The following COL8A1 variants were observed in gnomAD, a reference collection of about 807,000 sequenced individuals.
The protein encoded by COL8A1 is collagen alpha-1(VIII) chain.
Under a neutral mutation model 42.7 loss-of-function variants are expected in COL8A1, and 21 were observed. The observed-to-expected ratio is 0.49, with a 90% CI of 0.35 to 0.71. The LOEUF (loss-of-function observed/expected upper bound fraction) is 0.71, where lower values mean the gene tolerates loss of function less well. COL8A1 is among the 30% of genes least tolerant of loss of function. The probability of loss-of-function intolerance (pLI) is 0.01; values close to 1 mark genes in which losing one functional copy is unlikely to be tolerated. For missense variants in COL8A1, 788 were observed against 962.4 expected, an observed-to-expected ratio of 0.82 and a Z score of 2.40; for synonymous variants, 367 against 369.1, an observed-to-expected ratio of 0.99 and a Z score of 0.06.
chr3:99,656,271 C>A (rs1204598893), intron 1 of COL8A1, among the ~76,000 whole-genome samples: 1 of 152,098 alleles, frequency 6.6e-6, no homozygotes, highest in South Asian at 2.1e-4. Flanking sequence ...TGCATAAATG[C>A]ATATAAATTA....
chr3:99,706,897 G>A (rs1939693962), intron 1 of COL8A1, among the ~76,000 whole-genome samples: 1 of 152,140 alleles, frequency 6.6e-6, no homozygotes, highest in Non-Finnish European at 1.5e-5. Context: ...TGTAAGTAAA[G>A]GAGCTACACC....
intron 3 of COL8A1, among the ~76,000 whole-genome samples, chr3:99,793,781 T>G (rs1399606587): frequency 1.3e-5 from 2 of 152,218 alleles, no homozygotes; most frequent in Non-Finnish European, 2.9e-5. Context: ...AGATGGAGTT[T>G]CGCTCTTTCA....
chr3:99,715,081 A>C (rs1234793716), intron 1 of COL8A1, among the ~76,000 whole-genome samples: 1 of 152,100 alleles, frequency 6.6e-6, no homozygotes, highest in East Asian at 1.9e-4. Flanking sequence ...GGAGATTCAC[A>C]TAGGACGTCT....
chr3:99,693,533 C>T (rs1185950172), intron 1 of COL8A1, among the ~76,000 whole-genome samples: 1 of 151,470 alleles, frequency 6.6e-6, no homozygotes, highest in African/African-American at 2.4e-5. Context: ...GTGTTTTTAA[C>T]AAAAGAAAAG....
intron 1 of COL8A1, among the ~76,000 whole-genome samples, chr3:99,665,969 G>A (rs1938358229): frequency 6.6e-6 from 1 of 152,000 alleles, no homozygotes; most frequent in South Asian, 2.1e-4. Context: ...GGGATTACAG[G>A]TGTGAGCCAC....
intron 2 of COL8A1, among the ~76,000 whole-genome samples, chr3:99,777,398 A>G (rs547419796): frequency 3.3e-5 from 5 of 152,332 alleles, no homozygotes; most frequent in Admixed American, 3.3e-4. Flanking sequence ...ATGGATGAAT[A>G]AAATATAAAA....
intron 1 of COL8A1, among the ~76,000 whole-genome samples, chr3:99,722,801 C>T (rs1396547145): frequency 3.3e-5 from 5 of 152,022 alleles, no homozygotes; most frequent in African/African-American, 1.2e-4. Context: ...TCCACCCATT[C>T]CAAGGAAGCA....
At chr3:99,762,705 A>C (rs1431795566) in intron 2 of COL8A1, among the ~76,000 whole-genome samples, 1 of 152,210 alleles carries the variant, frequency 6.6e-6, no homozygotes, top group African/African-American at 2.4e-5. Flanking sequence ...GTCAAGAGGC[A>C]GGACCCTGAA....
chr3:99,731,124 A>C (rs1940494144), intron 1 of COL8A1, among the ~76,000 whole-genome samples: 2 of 152,146 alleles, frequency 1.3e-5, no homozygotes, highest in Non-Finnish European at 2.9e-5. Context: ...TGGGGAGAGA[A>C]GAACGATAGG....
chr3:99,758,300 G>A (rs974227106), intron 2 of COL8A1, among the ~76,000 whole-genome samples: 1 of 151,992 alleles, frequency 6.6e-6, no homozygotes, highest in Admixed American at 6.6e-5. Context: ...ACACTTGAAA[G>A]GGAAACTCTC....
chr3:99,699,737 A>C (rs1939479991), intron 1 of COL8A1, among the ~76,000 whole-genome samples: 1 of 152,188 alleles, frequency 6.6e-6, no homozygotes, highest in Non-Finnish European at 1.5e-5. Context: ...AAATTTTAAG[A>C]ATCAAGTAAA....
intron 1 of COL8A1, among the ~76,000 whole-genome samples, chr3:99,642,752 A>C (rs1937530083): frequency 6.6e-6 from 1 of 152,214 alleles, no homozygotes; most frequent in South Asian, 2.1e-4. Flanking sequence ...AGAACCACTC[A>C]TACTTGTGGC....
Position 99,791,026 on chromosome 3 carries a change from C to A in COL8A1, c.328+16C>A. On this transcript the variant is annotated intron_variant, in intron 3 of 3. Transcript: ENST00000652472. ...AAAGGCAAAGGTAACATCATACTCC[C>A]AGGCTGTTATAAAACAACAGCTTTC... is the stretch of plus-strand genomic sequence containing the variant. 1 of 1,588,654 alleles carries A rather than the reference C, an allele frequency of 6.3e-7. No homozygotes were observed. The highest frequency in any genetic ancestry group is 8.6e-7 in the Non-Finnish European group (1 of 1,162,536).
At chr3:99,734,600 C>T (rs62283473) in intron 1 of COL8A1, among the ~76,000 whole-genome samples, 25 of 151,896 alleles carry the variant, frequency 1.6e-4, no homozygotes, top group East Asian at 7.8e-4. Flanking sequence ...TCCAGCTTTG[C>T]TCTTTTGGCT....
intron 1 of COL8A1, among the ~76,000 whole-genome samples, chr3:99,709,608 G>A (rs1157540036): frequency 6.6e-6 from 1 of 152,112 alleles, no homozygotes; most frequent in East Asian, 1.9e-4. Flanking sequence ...AGGCAATAAA[G>A]CAATCAAAAG....
At position 99,795,789 on chromosome 3, in the gene COL8A1, G is replaced by C. The variant is rs144956888; in HGVS notation, c.1888G>C (p.Gly630Arg). ...AELTAPFPPV[G>R]APVKFNKLLY... ...GCTAACCGCACCTTTCCCACCGGTGGGGGCCCCAGTGAAGTTTAACAAACT... is the reference window on the plus strand; with the variant it reads ...GCTAACCGCACCTTTCCCACCGGTGCGGGCCCCAGTGAAGTTTAACAAACT... The change falls in exon 4 of 4, where the codon GGG becomes CGG. Residue 630 changes from glycine (G) to arginine (R), a missense_variant. Coordinates refer to ENST00000652472, the MANE Select transcript of COL8A1 (RefSeq NM_020351.4). 41 of 1,614,050 alleles carry C rather than the reference G, an allele frequency of 2.5e-5. No individual in the cohort carries two copies. The African/African-American group carries it at 4.7e-4, about 18-fold the overall frequency.
In COL8A1 at chr3:99,692,146, A is replaced by C. The variant is rs1292692894; in HGVS notation, c.-128-52751A>C. On this transcript the variant is annotated intron_variant, in intron 1 of 3. Transcript: ENST00000652472. ...CCACCAACCCCTACTCACACACACCAACCACAACCACCACCACCACCAAGT... is the reference window on the plus strand; with the variant it reads ...CCACCAACCCCTACTCACACACACCCACCACAACCACCACCACCACCAAGT... 5.9e-5 allele frequency among the ~76,000 whole-genome samples: 9 copies of C among 152,168 alleles called. No individual in the cohort carries two copies. In the East Asian group the frequency reaches 1.5e-3, roughly 26 times the overall value.
At chr3:99,667,962 T>C (rs976831529) in intron 1 of COL8A1, among the ~76,000 whole-genome samples, 31 of 152,122 alleles carry the variant, frequency 2.0e-4, no homozygotes, top group Non-Finnish European at 4.6e-4. Context: ...CTAATATGCT[T>C]AATAAGAACT....
At chr3:99,693,463 T>G (rs1255147771) in intron 1 of COL8A1, among the ~76,000 whole-genome samples, 1 of 152,170 alleles carries the variant, frequency 6.6e-6, no homozygotes, top group Non-Finnish European at 1.5e-5. Flanking sequence ...GATGTGGGTG[T>G]GGAGAACAGT....
Sources: gnomAD v4.1 joint callset for allele counts (sites outside exome capture counted in the v4.1 genomes callset) on GRCh38, gnomAD v4.1.1 for gene constraint, MANE v1.5 for transcripts, NCBI Gene and HGNC (gene_info 2026-07-23, HGNC 2026-07-21) for gene names.